Variants in PML observed in about 807,000 individuals in gnomAD.
PML encodes protein PML.
PML carries 28 observed loss-of-function variants against 65.2 expected under a neutral mutation model. The observed-to-expected ratio is 0.43, with a 90% CI of 0.32 to 0.59. The LOEUF is 0.59. PML is among the 20% of genes least tolerant of loss of function. The probability of loss-of-function intolerance (pLI) is 0.08; values close to 1 mark genes in which losing one functional copy is unlikely to be tolerated. For missense variants in PML, 1,021 were observed against 1,203.4 expected, an observed-to-expected ratio of 0.85 and a Z score of 2.24; for synonymous variants, 500 against 508.8, an observed-to-expected ratio of 0.98 and a Z score of 0.23.
chr15:74,016,063 G>C (rs1378735157), intron 2 of PML, among the ~76,000 whole-genome samples: 4 of 152,132 alleles, frequency 2.6e-5, no homozygotes, highest in African/African-American at 4.8e-5. Context: ...CAGATCACGA[G>C]GTCAAGAGAT....
chr15:74,042,961 C>A lies in PML; in HGVS notation c.1711-28C>A, dbSNP rs1340070938. On this transcript the variant is annotated intron_variant, in intron 7 of 8. Coordinates refer to ENST00000268058, the MANE Select transcript of PML (RefSeq NM_033238.3). This position sits in a 1 kb window ranked among gnomAD's most constrained non-coding sequence, Gnocchi z 5.3. The stretch of plus-strand genomic sequence containing the variant: ...GGTGCTTGCCTTGGCCCTCTGAATC[C>A]CTGACGCTTGGTTTTTCTGTGTTGC... 1 of 1,613,172 alleles carries A rather than the reference C, an allele frequency of 6.2e-7. No individual in the cohort carries two copies. The highest frequency in any genetic ancestry group is 2.2e-5 in the East Asian group (1 of 44,838).
chr15:74,044,504 G>A lies in PML; in HGVS notation c.2145G>A (p.Arg715=). The A allele has an allele frequency of 6.2e-7, 1 of 1,614,120 alleles. No homozygotes were observed. Among genetic ancestry groups the A allele is most frequent in the Non-Finnish European group, 8.5e-7 (1 of 1,180,024 alleles). The part of the protein sequence containing the change: ...SGFLAALPLI[R]ERVPGASSFK... ...TCCTGGCTGCCCTGCCTCTCATCCGGGAGCGTGTGCCCGGGGCCAGCAGCT... is the reference window on the plus strand; with the variant it reads ...TCCTGGCTGCCCTGCCTCTCATCCGAGAGCGTGTGCCCGGGGCCAGCAGCT... Residue 715 remains arginine (R), a synonymous_variant, in exon 9 of 9, where the codon CGG becomes CGA. Transcript: ENST00000268058.
rs565296978 is a variant in PML at position 74,039,352 on chromosome 15, T to G, written c.1711-3637T>G. ...GCAGTATTCCTGGGGTCTTTGAGGC[T>G]TTGCAAGAGCTGGGGTTTTGTGTCT... On this transcript the variant is annotated intron_variant, in intron 7 of 8. Transcript: ENST00000268058. 3.3e-5 allele frequency among the ~76,000 whole-genome samples: 5 copies of G among 152,334 alleles called. No individual in the cohort carries two copies. In the South Asian group the frequency reaches 6.2e-4, roughly 19 times the overall value.
In PML at chr15:74,044,659, A is replaced by G. The variant is rs771147774; in HGVS notation, c.2300A>G (p.Gln767Arg). 1.2e-6 allele frequency: 2 copies of G among 1,605,750 alleles called. No homozygotes were observed. Among genetic ancestry groups the G allele is most frequent in the Admixed American group, 3.3e-5 (2 of 60,026 alleles). The change falls in exon 9 of 9, where the codon CAG becomes CGG. Residue 767 changes from glutamine to arginine, a missense_variant. Coordinates refer to ENST00000268058, the MANE Select transcript of PML (RefSeq NM_033238.3). ...LEVSPGPQLAQHVYPFSSLQC... is the reference protein window; with the variant it reads ...LEVSPGPQLARHVYPFSSLQC... ...GTCTCCCCGGGCCCCCAGCTGGCCC[A>G]GCATGTCTACCCCTTCAGTAGCCTG...
rs973501055 is a variant in PML, at chr15:74,046,361, AT to A, written c.*1355del. On this transcript the variant is annotated 3_prime_UTR_variant, in exon 9 of 9. Transcript: ENST00000268058. ...TCCTCCCTCCTTCCCATCCCTACTCATTAGCTCCCTGCTCCTGGGATGCTTC... is the reference window on the plus strand; with the variant it reads ...TCCTCCCTCCTTCCCATCCCTACTCATAGCTCCCTGCTCCTGGGATGCTTC... 4.3e-6 allele frequency: 1 copy of A among 232,824 alleles called. No individual in the cohort carries two copies. The highest frequency in any genetic ancestry group is 2.2e-5 in the African/African-American group (1 of 45,242). 14.4% of individuals were successfully genotyped at this position (232,824 alleles called of 1,614,324 possible).
In PML at chr15:74,043,751, G is replaced by C. The variant is rs749342209; in HGVS notation, c.1862-470G>C. The C allele has an allele frequency of 1.9e-6, 1 of 530,070 alleles. No homozygotes were observed. The highest frequency in any genetic ancestry group is 5.2e-5 in the East Asian group (1 of 19,398). The allele number at this position is 530,070 out of a possible 1,614,324, so 32.8% of individuals were successfully genotyped here. A position where few individuals can be genotyped will look rare whatever the true frequency, so the allele number is the denominator to read the frequency against. On this transcript the variant is annotated intron_variant, in intron 8 of 8. Coordinates refer to ENST00000268058, the MANE Select transcript of PML (RefSeq NM_033238.3). This position sits in a 1 kb window ranked among gnomAD's most constrained non-coding sequence, Gnocchi z 4.3. ...TTTTCATGGTACAGAAAAGTCATTTGCAGACCTCAGTGGGAGGCTCTTGGC... is the reference window on the plus strand; with the variant it reads ...TTTTCATGGTACAGAAAAGTCATTTCCAGACCTCAGTGGGAGGCTCTTGGC...
chr15:74,022,203 C>T (rs757773987), intron 2 of PML, among the ~76,000 whole-genome samples: 11 of 152,190 alleles, frequency 7.2e-5, no homozygotes, highest in Non-Finnish European at 1.5e-4. Context: ...GTGATCCTCC[C>T]GCCCCGGCCT....
intron 7 of PML, 41 bp downstream of exon 7, chr15:74,034,571 C>G (rs1257174657): frequency 6.2e-7 from 1 of 1,614,190 alleles, no homozygotes; most frequent in Non-Finnish European, 8.5e-7. Flanking sequence ...CCTGCCTCCC[C>G]CCATTTCAGG....
At chr15:74,023,474 G>C (rs1041913387) in intron 3 of PML, 66 bp downstream of exon 3, 3 of 1,256,338 alleles carry the variant, frequency 2.4e-6, no homozygotes, top group Non-Finnish European at 3.4e-6. Context: ...AGGCGAGTCA[G>C]AAGAGATCAT....
At chr15:74,033,869 G>C (rs1208066241) in intron 6 of PML, 1 of 469,606 alleles carries the variant, frequency 2.1e-6, no homozygotes, top group Non-Finnish European at 3.8e-6. Context: ...ATTTGTCAGA[G>C]TTATCTTCTA....
Position 74,044,955 on chromosome 15 carries a change from T to TCCA in PML, c.2599_2601dup (p.Thr867dup). The TCCA allele has an allele frequency of 6.2e-7, 1 of 1,611,448 alleles. No homozygotes were observed. Among genetic ancestry groups the TCCA allele is most frequent in the Non-Finnish European group, 8.5e-7 (1 of 1,179,194 alleles). ...GGCGCTGGCACGGGCAGAAGGAGTCTCCACCCCACTTGCTGGCCGTGGCTT... is the reference window on the plus strand; with the variant it reads ...GGCGCTGGCACGGGCAGAAGGAGTCTCCACCACCCCACTTGCTGGCCGTGGCTT... On this transcript the variant is annotated inframe_insertion, in exon 9 of 9. Coordinates refer to ENST00000268058, the MANE Select transcript of PML (RefSeq NM_033238.3).
intron 2 of PML, among the ~76,000 whole-genome samples, chr15:74,006,821 T>C (rs1043339168): frequency 3.9e-5 from 6 of 152,074 alleles, no homozygotes; most frequent in Admixed American, 3.9e-4. Flanking sequence ...GCGTGTCGCA[T>C]GGCAAGAGGG....
chr15:74,022,765 C>A (rs189842790), intron 2 of PML, 63 bp from the exon 3 acceptor site: 6 of 1,302,332 alleles, frequency 4.6e-6, no homozygotes, highest in Non-Finnish European at 6.6e-6. Context: ...AATTTAATAA[C>A]GAACGTTTTA....
Position 74,032,653 on chromosome 15 carries a change from G to A in PML, c.1336G>A (p.Val446Met). The change falls in exon 5 of 9, where the codon GTG becomes ATG. Residue 446 changes from valine (V) to methionine (M), a missense_variant. Val to Met is a conservative substitution (Grantham distance 21). Transcript: ENST00000268058. ...EAQPMAVVQSVPGAHPVPVYA... is the reference protein window; with the variant it reads ...EAQPMAVVQSMPGAHPVPVYA... ...CCAGCCTATGGCTGTGGTACAGTCAGTGCCCGGGGCACACCCCGTGCCAGT... is the reference window on the plus strand; with the variant it reads ...CCAGCCTATGGCTGTGGTACAGTCAATGCCCGGGGCACACCCCGTGCCAGT... 2 of 1,614,194 alleles carry A rather than the reference G, an allele frequency of 1.2e-6. No homozygotes were observed. Among genetic ancestry groups the A allele is most frequent in the East Asian group, 2.2e-5 (1 of 44,886 alleles).
intron 2 of PML, among the ~76,000 whole-genome samples, chr15:74,008,069 C>G (rs1043306292): frequency 5.3e-5 from 8 of 152,310 alleles, no homozygotes; most frequent in African/African-American, 1.7e-4. Context: ...TGGCTGAGCT[C>G]AGAAAAGGCC....
Position 74,035,525 on chromosome 15 carries a change from C to T in PML, c.1710+995C>T. ...GGGCCCCTATTCGGACTTGGTCTCC[C>T]CATGTGGTCCAAGCCAGCACTCCTG... On this transcript the variant is annotated intron_variant, in intron 7 of 8. Transcript: ENST00000268058. The surrounding 1 kb of genome is among the most constrained non-coding windows in gnomAD (Gnocchi z 4.1). 2 of 1,611,018 alleles carry T rather than the reference C, an allele frequency of 1.2e-6. No homozygotes were observed. The highest frequency in any genetic ancestry group is 8.5e-7 in the Non-Finnish European group (1 of 1,179,396).
At position 74,046,507 on chromosome 15, in the gene PML, C is replaced by T. The variant is rs1330596758; in HGVS notation, c.*1499C>T. On this transcript the variant is annotated 3_prime_UTR_variant, in exon 9 of 9. Transcript: ENST00000268058. ...GCCCCTGAAGACCCACTGAGGAATT[C>T]CGTAGGGTCTTGTTCCCACGACCGG... 4.3e-6 allele frequency: 1 copy of T among 232,674 alleles called. No homozygotes were observed. The highest frequency in any genetic ancestry group is 8.5e-6 in the Non-Finnish European group (1 of 117,746). The allele number at this position is 232,674 out of a possible 1,614,324, so 14.4% of individuals were successfully genotyped here. A position where few individuals can be genotyped will look rare whatever the true frequency, so the allele number is the denominator to read the frequency against.
chr15:74,028,514 A>G (rs2071180265), intron 4 of PML: 1 of 152,208 alleles, frequency 6.6e-6, no homozygotes, highest in African/African-American at 2.4e-5. Context: ...AACCATTTCA[A>G]AATGTTCAGT....
chr15:74,031,922 T>C (rs371933565), intron 4 of PML, among the ~76,000 whole-genome samples: 1 of 152,200 alleles, frequency 6.6e-6, no homozygotes, highest in Non-Finnish European at 1.5e-5. Flanking sequence ...TCCCACTTTA[T>C]AGAGGGGGAC....
Sources: gnomAD v4.1 joint callset for allele counts (sites outside exome capture counted in the v4.1 genomes callset) on GRCh38, gnomAD v4.1.1 for gene constraint, Gnocchi (gnomAD v3.1) non-coding constraint, MANE v1.5 for transcripts, NCBI Gene and HGNC (gene_info 2026-07-23, HGNC 2026-07-21) for gene names.